Variants in ZMYND11 observed in about 807,000 individuals in gnomAD.
The protein encoded by ZMYND11 is zinc finger MYND domain-containing protein 11.
Under a neutral mutation model 84.9 loss-of-function variants are expected in ZMYND11, and 9 were observed. That is an observed-to-expected ratio of 0.11 (90% CI 0.06 to 0.18). The LOEUF is 0.18. ZMYND11 is among the 10% of genes least tolerant of loss of function. The pLI is 1.00. For synonymous variants in ZMYND11, 250 were observed against 244.1 expected (o/e 1.02, Z -0.23); for missense variants, 409 against 761.0 (o/e 0.54, Z 5.44).
intron 1 of ZMYND11, among the ~76,000 whole-genome samples, chr10:138,214 A>G (rs1379803711): frequency 7.3e-6 from 1 of 136,196 alleles, no homozygotes; most frequent in African/African-American, 2.8e-5. Context: ...GGCTTAAGCG[A>G]TTCTCATGCC....
chr10:176,356 T>C (rs1429792144), intron 1 of ZMYND11, among the ~76,000 whole-genome samples: 1 of 152,148 alleles, frequency 6.6e-6, no homozygotes, highest in Non-Finnish European at 1.5e-5. Flanking sequence ...CTCAAATGTG[T>C]TGGAGCAGAA....
intron 3 of ZMYND11, among the ~76,000 whole-genome samples, chr10:211,044 T>C (rs1470027031): frequency 6.6e-6 from 1 of 151,614 alleles, no homozygotes; most frequent in Non-Finnish European, 1.5e-5. Context: ...AATAAAAAAT[T>C]AGCTGGGTGT....
intron 2 of ZMYND11, among the ~76,000 whole-genome samples, chr10:207,034 T>G (rs553450880): frequency 6.6e-6 from 1 of 152,224 alleles, no homozygotes; most frequent in East Asian, 1.9e-4. Flanking sequence ...TTCCCCTTCC[T>G]GTGTCCATGT....
intron 2 of ZMYND11, among the ~76,000 whole-genome samples, chr10:207,960 T>A (rs1944486986): frequency 6.6e-6 from 1 of 152,040 alleles, no homozygotes; most frequent in Non-Finnish European, 1.5e-5. Context: ...TATAGATCAA[T>A]GGAACAGAAC....
At chr10:217,033 G>C (rs972624325) in intron 3 of ZMYND11, among the ~76,000 whole-genome samples, 1 of 152,024 alleles carries the variant, frequency 6.6e-6, no homozygotes, top group African/African-American at 2.4e-5. Context: ...ACACATACTT[G>C]GTTGTGTAAT....
chr10:181,006 T>C (rs574610398), intron 2 of ZMYND11, among the ~76,000 whole-genome samples: 1 of 152,144 alleles, frequency 6.6e-6, no homozygotes, highest in African/African-American at 2.4e-5. Context: ...AAGTACCTTA[T>C]GAAGCTTCTA....
Position 248,939 on chromosome 10 carries a change from G to A in ZMYND11, c.1537G>A (p.Val513Ile), listed in dbSNP as rs1441748170. The change falls in exon 14 of 15, where the codon GTA becomes ATA. Residue 513 changes from valine to isoleucine, a missense_variant. Val to Ile is a conservative substitution (Grantham distance 29). Coordinates refer to ENST00000381604, the MANE Select transcript of ZMYND11 (RefSeq NM_001370100.5). ...SEMEEEKRQA[V>I]NKAVANMQGE... ...AATGGAAGAAGAAAAGAGACAAGCTGTAAATAAAGCTGTAGCCAACATGCA... is the reference window on the plus strand; with the variant it reads ...AATGGAAGAAGAAAAGAGACAAGCTATAAATAAAGCTGTAGCCAACATGCA... 2 of 1,613,946 alleles carry A rather than the reference G, an allele frequency of 1.2e-6. No homozygotes were observed. Among genetic ancestry groups the A allele is most frequent in the Non-Finnish European group, 1.7e-6 (2 of 1,179,898 alleles).
chr10:169,217 AG>A (rs1554764895), intron 1 of ZMYND11, among the ~76,000 whole-genome samples: 1 of 152,076 alleles, frequency 6.6e-6, no homozygotes, highest in Non-Finnish European at 1.5e-5. Flanking sequence ...GTCCCACATA[AG>A]GGGGGAAACT....
At chr10:218,520 G>T (rs1946581858) in intron 3 of ZMYND11, 2 of 359,462 alleles carry the variant, frequency 5.6e-6, no homozygotes, top group South Asian at 2.3e-5. Context: ...TTTGCACTAT[G>T]TTATTTTACT....
At chr10:224,565 T>A (rs934425316) in intron 4 of ZMYND11, among the ~76,000 whole-genome samples, 1 of 152,212 alleles carries the variant, frequency 6.6e-6, no homozygotes, top group Non-Finnish European at 1.5e-5. Flanking sequence ...ATTCAAATAA[T>A]TTAGGATAAG....
intron 1 of ZMYND11, among the ~76,000 whole-genome samples, chr10:138,824 T>A (rs1554753134): frequency 6.6e-6 from 1 of 152,112 alleles, no homozygotes; most frequent in African/African-American, 2.4e-5. Context: ...AAACCTTAAA[T>A]TGGATTTAAC....
chr10:249,218 G>C (rs900530789), intron 14 of ZMYND11, 130 bp downstream of exon 14: 2 of 1,491,448 alleles, frequency 1.3e-6, no homozygotes, highest in East Asian at 4.9e-5. Context: ...GAAATGGTCA[G>C]CTTTAGTTTT....
chr10:194,141 C>T lies in ZMYND11; in HGVS notation c.116+14013C>T, dbSNP rs971703520. On this transcript the variant is annotated intron_variant, in intron 2 of 14. Transcript: ENST00000381604. ...CTGGGACTACAAGTGGATGCCACCACGCCTGGCTAATTTTTGAATTTTTTT... is the reference window on the plus strand; with the variant it reads ...CTGGGACTACAAGTGGATGCCACCATGCCTGGCTAATTTTTGAATTTTTTT... Among the ~76,000 whole-genome samples, 31 of 152,156 alleles carry T rather than the reference C, an allele frequency of 2.0e-4. 1 individual carries two copies. Among genetic ancestry groups the T allele is most frequent in the African/African-American group, 6.5e-4 (27 of 41,526 alleles).
At chr10:136,503 A>G (rs985800166) in intron 1 of ZMYND11, among the ~76,000 whole-genome samples, 12 of 152,126 alleles carry the variant, frequency 7.9e-5, no homozygotes, top group South Asian at 4.1e-4. Context: ...CGTACCGGCT[A>G]TCATACACGG....
chr10:250,311 G>A (rs1376378926), intron 14 of ZMYND11, among the ~76,000 whole-genome samples: 1 of 152,180 alleles, frequency 6.6e-6, no homozygotes, highest in African/African-American at 2.4e-5. Flanking sequence ...TGGGAATTAA[G>A]GTGTGCTGAA....
rs1835925380 is a variant in ZMYND11, at chr10:135,999, G to A, written c.-20+440G>A. Among the ~76,000 whole-genome samples, 2 of 151,098 alleles carry A rather than the reference G, an allele frequency of 1.3e-5. No homozygotes were observed. The highest frequency in any genetic ancestry group is 3.0e-5 in the Non-Finnish European group (2 of 67,202). ...GGGAACGCGGCTCCGGGCGTGTGGC[G>A]GGCGGAGAGGAAGCGTTTGTCGGCG... On this transcript the variant is annotated intron_variant, in intron 1 of 14. Coordinates refer to ENST00000381604, the MANE Select transcript of ZMYND11 (RefSeq NM_001370100.5). The surrounding 1 kb of genome is among the most constrained non-coding windows in gnomAD (Gnocchi z 5.6).
chr10:234,395 C>T (rs1949556374), intron 4 of ZMYND11, among the ~76,000 whole-genome samples: 1 of 152,210 alleles, frequency 6.6e-6, no homozygotes, highest in Admixed American at 6.5e-5. Context: ...GAAGGGATTC[C>T]TGCCTTGTTG....
At chr10:146,876 C>T (rs1442591522) in intron 1 of ZMYND11, among the ~76,000 whole-genome samples, 3 of 152,238 alleles carry the variant, frequency 2.0e-5, no homozygotes, top group Admixed American at 1.3e-4. Context: ...CACAGGTTCT[C>T]CTGCCTGCCA....
intron 14 of ZMYND11, among the ~76,000 whole-genome samples, chr10:251,598 T>C (rs1953511709): frequency 6.6e-6 from 1 of 152,202 alleles, no homozygotes; most frequent in South Asian, 2.1e-4. Context: ...CTCATCTTCC[T>C]TGCCTCACTG....
Sources: gnomAD v4.1 joint callset for allele counts (sites outside exome capture counted in the v4.1 genomes callset) on GRCh38, gnomAD v4.1.1 for gene constraint, Gnocchi (gnomAD v3.1) non-coding constraint, MANE v1.5 for transcripts, NCBI Gene and HGNC (gene_info 2026-07-23, HGNC 2026-07-21) for gene names.